The following WBP2NL variants were observed in gnomAD, a reference collection of about 807,000 sequenced individuals.
WBP2NL encodes WBP2 N-terminal like.
Under a neutral mutation model 23.3 loss-of-function variants are expected in WBP2NL, and 27 were observed. The observed-to-expected ratio is 1.16, with a 90% CI of 0.85 to 1.60. The LOEUF is 1.60. Ranked by LOEUF, WBP2NL falls within the 40% of genes most tolerant of loss-of-function variation. The pLI, the probability that WBP2NL is intolerant of heterozygous loss-of-function variation, is 0.00. For missense variants in WBP2NL, 370 were observed against 389.5 expected, an observed-to-expected ratio of 0.95 and a Z score of 0.42; for synonymous variants, 151 against 145.9, an observed-to-expected ratio of 1.03 and a Z score of -0.25.
chr22:42,015,603 A>G (rs1923235695), intron 1 of WBP2NL, among the ~76,000 whole-genome samples: 1 of 152,166 alleles, frequency 6.6e-6, no homozygotes, highest in East Asian at 1.9e-4. Flanking sequence ...GGATTTTGCC[A>G]TGTTGGCCAG....
At chr22:42,019,535 C>T in intron 2 of WBP2NL, 116 bp downstream of exon 2, 1 of 1,534,776 alleles carries the variant, frequency 6.5e-7, no homozygotes, top group Non-Finnish European at 8.9e-7. Flanking sequence ...TTGGGATTTT[C>T]CACACTGAAG....
In WBP2NL at chr22:42,019,999, C is replaced by T. The variant is rs763978205; in HGVS notation, c.314-5C>T. ...TTGGTGAGTGTGTGCCATTTCTTCC[C>T]CCAGGTGGCTGGGAAGGACAAGCTA... On this transcript the variant is annotated splice_region_variant and splice_polypyrimidine_tract_variant and intron_variant, in intron 3 of 5. Transcript: ENST00000328823. The T allele has an allele frequency of 2.5e-6, 4 of 1,613,418 alleles. No homozygotes were observed. The highest frequency in any genetic ancestry group is 4.5e-5 in the East Asian group (2 of 44,874).
At chr22:42,043,960 C>T (rs1925490443) in intron 8 of WBP2NL, among the ~76,000 whole-genome samples, 1 of 152,182 alleles carries the variant, frequency 6.6e-6, no homozygotes, top group Non-Finnish European at 1.5e-5. Flanking sequence ...CTACTGGCCT[C>T]AAGTGATCCA....
intron 8 of WBP2NL, among the ~76,000 whole-genome samples, chr22:42,048,397 AAG>A (rs531788699): frequency 2.4e-3 from 371 of 151,492 alleles, no homozygotes; most frequent in African/African-American, 8.7e-3. Flanking sequence ...AAAAAAAAAA[AAG>A]AAGAAAAATA....
intron 4 of WBP2NL, 102 bp from the exon 5 acceptor site, chr22:42,022,147 T>C (rs1316418639): frequency 1.1e-6 from 1 of 936,596 alleles, no homozygotes; most frequent in Admixed American, 1.9e-5. Flanking sequence ...TGGAAACACA[T>C]GTAAGGTGGT....
chr22:42,025,533 G>T (rs916640830), intron 5 of WBP2NL, among the ~76,000 whole-genome samples: 1 of 152,116 alleles, frequency 6.6e-6, no homozygotes, highest in Non-Finnish European at 1.5e-5. Context: ...ATTCTTTTAC[G>T]TGCAGATATC....
At chr22:42,040,322 A>T (rs1369684831) in intron 8 of WBP2NL, among the ~76,000 whole-genome samples, 2 of 151,698 alleles carry the variant, frequency 1.3e-5, no homozygotes, top group African/African-American at 2.4e-5. Context: ...TCCTGGGTTC[A>T]AGTAATTCTC....
intron 5 of WBP2NL, 123 bp downstream of exon 5, chr22:42,022,479 G>A: frequency 1.2e-6 from 1 of 858,566 alleles, no homozygotes; most frequent in Non-Finnish European, 1.8e-6. Context: ...CTTGGAAAAT[G>A]GTCACATCTG....
chr22:42,001,947 GAC>G, intron 1 of WBP2NL: 1 of 1,403,504 alleles, frequency 7.1e-7, no homozygotes, highest in Non-Finnish European at 9.5e-7. Context: ...CTTGGCGAAG[GAC>G]ACAGCAGCCT....
chr22:42,057,211 T>C (rs1172329480), intron 8 of WBP2NL, among the ~76,000 whole-genome samples: 1 of 152,232 alleles, frequency 6.6e-6, no homozygotes. Flanking sequence ...TTTTGCTCAT[T>C]GTTCTTCATT....
At position 42,043,341 on chromosome 22, in the gene WBP2NL, C is replaced by A. The variant is rs1925467334; in HGVS notation, c.*273+12518C>A. 5.3e-5 allele frequency among the ~76,000 whole-genome samples: 8 copies of A among 152,300 alleles called. No individual in the cohort carries two copies. The South Asian group carries it at 1.7e-3, about 32-fold the overall frequency. ...TTCTCAGCAATGCTTCCAGGTGCAG[C>A]AGCAAGGGACTGGAACAAGTTGTTG... On this transcript the variant is annotated intron_variant and NMD_transcript_variant, in intron 8 of 8. Transcript: ENST00000436265.
intron 8 of WBP2NL, among the ~76,000 whole-genome samples, chr22:42,042,674 A>C (rs1925439044): frequency 6.6e-6 from 1 of 152,172 alleles, no homozygotes; most frequent in Non-Finnish European, 1.5e-5. Flanking sequence ...TGGATTATTT[A>C]CTAGAAGCTT....
chr22:42,037,657 C>G (rs1202559734), downstream of WBP2NL, among the ~76,000 whole-genome samples: 3 of 151,836 alleles, frequency 2.0e-5, no homozygotes, highest in Admixed American at 1.3e-4. Flanking sequence ...CCGTAAATTC[C>G]TAAGTATTTT....
rs779027560 is a variant in WBP2NL, at chr22:42,019,813, C to G, written c.313+10C>G. The stretch of plus-strand genomic sequence containing the variant: ...CAGGCAGCTCCATATGGTAAGTGTT[C>G]CCTCAGAAGTGTGTATTTTTTTTTC... On this transcript the variant is annotated intron_variant, in intron 3 of 5. Coordinates refer to ENST00000328823, the MANE Select transcript of WBP2NL (RefSeq NM_152613.3). 1.1e-5 allele frequency: 18 copies of G among 1,611,810 alleles called. 3 individuals are homozygous for G. The South Asian group carries it at 2.0e-4, about 18-fold the overall frequency.
chr22:42,020,864 GTGTGTATATATATATA>G (rs1189183216), intron 4 of WBP2NL, among the ~76,000 whole-genome samples: 2,382 of 34,922 alleles, frequency 0.068, 373 homozygotes, highest in African/African-American at 0.12. Flanking sequence ...GTGTGTGTGT[GTGTGTATATATATATA>G]TATATATATA....
chr22:42,017,123 A>ATC (rs912019546), intron 1 of WBP2NL, among the ~76,000 whole-genome samples: 3 of 150,860 alleles, frequency 2.0e-5, no homozygotes, highest in Non-Finnish European at 3.0e-5. Flanking sequence ...AATGCTACCC[A>ATC]TCTCTCTCTC....
intron 8 of WBP2NL, among the ~76,000 whole-genome samples, chr22:42,056,053 T>G (rs1926015819): frequency 6.6e-6 from 1 of 152,220 alleles, no homozygotes; most frequent in Non-Finnish European, 1.5e-5. Context: ...GTTTATACAT[T>G]TGTCATTTTA....
At chr22:42,012,804 A>G (rs1922944215) in intron 1 of WBP2NL, among the ~76,000 whole-genome samples, 1 of 151,690 alleles carries the variant, frequency 6.6e-6, no homozygotes, top group Admixed American at 6.6e-5. Context: ...CATTCTGGCT[A>G]ACATGGTGAA....
Position 42,028,163 on chromosome 22 carries a change from A to G in WBP2NL, c.*982A>G, listed in dbSNP as rs1924675202. The G allele has an allele frequency of 2.5e-6, 1 of 398,262 alleles. No homozygotes were observed. Among genetic ancestry groups the G allele is most frequent in the Non-Finnish European group, 4.4e-6 (1 of 225,946 alleles). The allele number at this position is 398,262 out of a possible 1,614,324, so 24.7% of individuals were successfully genotyped here. ...ACCTATATGTCCATTAATAGGAAAT[A>G]TATGAATAGGCTATGGTATGCCCAT... On this transcript the variant is annotated 3_prime_UTR_variant, in exon 6 of 6. Coordinates refer to ENST00000328823, the MANE Select transcript of WBP2NL (RefSeq NM_152613.3).
Sources: allele counts gnomAD v4.1 joint callset (sites outside exome capture counted in the v4.1 genomes callset), GRCh38; gene constraint gnomAD v4.1.1; transcripts MANE v1.5; gene names NCBI Gene and HGNC (gene_info 2026-07-23, HGNC 2026-07-21).